The following TC2N variants were observed in gnomAD, a reference collection of about 807,000 sequenced individuals.
TC2N encodes tandem C2 domains nuclear protein.
In TC2N, 51 loss-of-function variants were observed where a neutral mutation model predicts 61.9. The ratio of observed to expected loss-of-function variants is 0.82; its 90% CI spans 0.66 to 1.04. TC2N has a LOEUF of 1.04. Among genes scored for constraint, TC2N ranks in the 50% least tolerant of loss-of-function variants. The pLI is 0.00. For synonymous variants in TC2N, 204 were observed against 192.6 expected, an observed-to-expected ratio of 1.06 and a Z score of -0.49; for missense variants, 556 against 566.7, an observed-to-expected ratio of 0.98 and a Z score of 0.19.
intron 1 of TC2N, among the ~76,000 whole-genome samples, chr14:91,858,339 A>G (rs1888526416): frequency 6.6e-6 from 1 of 152,016 alleles, no homozygotes; most frequent in South Asian, 2.1e-4. Context: ...CAGGGTTGAC[A>G]TCGACATCTT....
chr14:91,861,971 T>A (rs1888599573), intron 1 of TC2N, among the ~76,000 whole-genome samples: 1 of 151,476 alleles, frequency 6.6e-6, no homozygotes, highest in Admixed American at 6.6e-5. Context: ...TATGTGTGTG[T>A]GTATATATAT....
Position 91,797,877 on chromosome 14 carries a change from T to C in TC2N, c.763A>G (p.Ser255Gly). 6.2e-7 allele frequency: 1 copy of C among 1,604,370 alleles called. No homozygotes were observed. The highest frequency in any genetic ancestry group is 8.5e-7 in the Non-Finnish European group (1 of 1,173,948). The change falls in exon 8 of 12, where the codon AGT becomes GGT. Residue 255 changes from serine to glycine, a missense_variant. Transcript: ENST00000435962. ...GAAACAGTAGGAGTGTCTCCATAAC[T>C]AGAGGGCCAACTTAAATCTCTGCAC... ...LQCRDLSWPS[S>G]YGDTPTVSIK...
In TC2N at chr14:91,792,116, C is replaced by T. The variant is rs191169938; in HGVS notation, c.1047+251G>A. ...CCTGGGCGACAGAGCGAGACTCCATCTCAAAGAAAAAAAGAAAAAAGAAAT... is the reference window on the plus strand; with the variant it reads ...CCTGGGCGACAGAGCGAGACTCCATTTCAAAGAAAAAAAGAAAAAAGAAAT... On this transcript the variant is annotated intron_variant, in intron 9 of 11. Transcript: ENST00000435962. Among the ~76,000 whole-genome samples, 537 of 148,708 alleles carry T rather than the reference C, an allele frequency of 3.6e-3. 1 individual carries two copies. Among genetic ancestry groups the T allele is most frequent in the Admixed American group, 7.5e-3 (112 of 14,936 alleles).
At chr14:91,831,656 T>C (rs1234820515) in intron 1 of TC2N, among the ~76,000 whole-genome samples, 1 of 152,092 alleles carries the variant, frequency 6.6e-6, no homozygotes, top group African/African-American at 2.4e-5. Context: ...AAAAACTGAT[T>C]AGCCATATGG....
chr14:91,812,370 C>A lies in TC2N; in HGVS notation c.243G>T (p.Lys81Asn). 3 of 1,612,640 alleles carry A rather than the reference C, an allele frequency of 1.9e-6. No homozygotes were observed. Among genetic ancestry groups the A allele is most frequent in the Non-Finnish European group, 2.5e-6 (3 of 1,179,108 alleles). Residue 81 changes from lysine to asparagine, a missense_variant, in exon 3 of 12, where the codon AAG (lysine) becomes AAT (asparagine). Physicochemically the swap from Lys to Asn is moderately conservative, Grantham distance 94 (BLOSUM62 0). Coordinates refer to ENST00000435962, the MANE Select transcript of TC2N (RefSeq NM_001128596.3). ...GTGTCCTGGGTTGAATGTAAGATAACTTAAACTTGGGCACCACAAATGGTA... is the reference window on the plus strand; with the variant it reads ...GTGTCCTGGGTTGAATGTAAGATAAATTAAACTTGGGCACCACAAATGGTA... ...KEVPFVVPKF[K>N]LSYIQPRTQE...
chr14:91,825,366 C>T (rs1191565641), intron 1 of TC2N, among the ~76,000 whole-genome samples: 1 of 151,998 alleles, frequency 6.6e-6, no homozygotes, highest in Non-Finnish European at 1.5e-5. Flanking sequence ...TTTCTATTCT[C>T]AATTTGACTA....
chr14:91,853,655 C>T (rs1595277795), intron 1 of TC2N, among the ~76,000 whole-genome samples: 1 of 1,650 alleles, frequency 6.1e-4, no homozygotes, highest in Non-Finnish European at 3.2e-3. Context: ...AAAGTACACA[C>T]ACACACACAC....
At chr14:91,838,105 G>A (rs1045929461) in intron 1 of TC2N, among the ~76,000 whole-genome samples, 2 of 149,414 alleles carry the variant, frequency 1.3e-5, no homozygotes, top group Admixed American at 6.6e-5. Context: ...ACTCCAAGGC[G>A]TTTTAGACTA....
At chr14:91,861,304 T>TAAC (rs776553694) in intron 1 of TC2N, among the ~76,000 whole-genome samples, 2 of 152,202 alleles carry the variant, frequency 1.3e-5, no homozygotes, top group African/African-American at 4.8e-5. Flanking sequence ...AGAGGGCAAG[T>TAAC]AACAACAACA....
intron 1 of TC2N, among the ~76,000 whole-genome samples, chr14:91,862,215 A>T (rs1053514321): frequency 1.3e-5 from 2 of 150,194 alleles, no homozygotes; most frequent in African/African-American, 4.9e-5. Context: ...TGGCGGGCAC[A>T]TGTGGTCCCA....
chr14:91,861,291 G>A (rs966233813), intron 1 of TC2N, among the ~76,000 whole-genome samples: 2 of 152,220 alleles, frequency 1.3e-5, no homozygotes, highest in Admixed American at 1.3e-4. Context: ...AGCCGGAACA[G>A]GAAGAGGGCA....
Position 91,799,047 on chromosome 14 carries a change from G to T in TC2N, c.579C>A (p.Ser193=). 1 of 1,580,926 alleles carries T rather than the reference G, an allele frequency of 6.3e-7. No homozygotes were observed. The highest frequency in any genetic ancestry group is 8.6e-7 in the Non-Finnish European group (1 of 1,168,216). ...TTGAAGAAGAACTACTGGGTACACT[G>T]GACAATGAATCATGTCTCTATAAAT... ...QRFIQRHDSL[S]SVPSSSSSRK... The change falls in exon 6 of 12, where the codon TCC becomes TCA. Residue 193 remains serine, a synonymous_variant. Coordinates refer to ENST00000435962, the MANE Select transcript of TC2N (RefSeq NM_001128596.3).
intron 1 of TC2N, among the ~76,000 whole-genome samples, chr14:91,844,043 C>T: frequency 8.1e-6 from 1 of 123,052 alleles, no homozygotes; most frequent in East Asian, 2.5e-4. Flanking sequence ...ACATTTTTAC[C>T]AGAAGAAAGG....
At chr14:91,863,656 G>A (rs1888637849) in intron 1 of TC2N, among the ~76,000 whole-genome samples, 1 of 151,958 alleles carries the variant, frequency 6.6e-6, no homozygotes, top group African/African-American at 2.4e-5. Context: ...GCCTGTGGGT[G>A]TGACTTCCTC....
At position 91,812,361 on chromosome 14, in the gene TC2N, G is replaced by A. The variant is rs185985333; in HGVS notation, c.252C>T (p.Tyr84=). 6.2e-7 allele frequency: 1 copy of A among 1,612,582 alleles called. No individual in the cohort carries two copies. Among genetic ancestry groups the A allele is most frequent in the Admixed American group, 1.7e-5 (1 of 59,912 alleles). The change falls in exon 3 of 12, where the codon TAC becomes TAT. Residue 84 remains tyrosine (Y), a synonymous_variant. Transcript: ENST00000435962. The part of the protein sequence containing the change: ...PFVVPKFKLS[Y]IQPRTQETPS... ...GAGTTTCTTGTGTCCTGGGTTGAAT[G>A]TAAGATAACTTAAACTTGGGCACCA...
chr14:91,832,410 G>A (rs1221763310), intron 1 of TC2N, among the ~76,000 whole-genome samples: 1 of 146,250 alleles, frequency 6.8e-6, no homozygotes, highest in Non-Finnish European at 1.5e-5. Flanking sequence ...AAAAATCTAT[G>A]TTTTAAAGTA....
rs879836561 is a variant in TC2N at position 91,820,545 on chromosome 14, GA to G, written c.-56-6721del. On this transcript the variant is annotated intron_variant, in intron 1 of 11. Transcript: ENST00000435962. ...ATTGAAAGTCTCCCTCTAAAGCCAG[GA>G]AAAAAAAAAAAGATTTCTACTCTCT... 2.2e-3 allele frequency among the ~76,000 whole-genome samples: 309 copies of G among 140,554 alleles called. 1 individual carries two copies. The highest frequency in any genetic ancestry group is 4.9e-3 in the African/African-American group (190 of 38,528). 92.2% of individuals were successfully genotyped at this position (140,554 alleles called of 152,430 possible).
chr14:91,856,298 G>A (rs1888481472), intron 1 of TC2N, among the ~76,000 whole-genome samples: 1 of 152,128 alleles, frequency 6.6e-6, no homozygotes, highest in Admixed American at 6.6e-5. Context: ...AGACCAGCTT[G>A]GCCAACATGG....
Position 91,791,218 on chromosome 14 carries a change from G to GAGGGA in TC2N, c.1047+1144_1047+1148dup, listed in dbSNP as rs1238453639. Among the ~76,000 whole-genome samples the GAGGGA allele has an allele frequency of 3.5e-5, 4 of 115,368 alleles. No individual in the cohort carries two copies. In the East Asian group the frequency reaches 1.3e-3, roughly 38 times the overall value. 75.7% of individuals were successfully genotyped at this position (115,368 alleles called of 152,430 possible). A position where few individuals can be genotyped will look rare whatever the true frequency, so the allele number is the denominator to read the frequency against. Reference sequence around the variant, plus strand: ...GAGGGGAGGGGAGAAGAGGGGAGGGGAGGGAAGGGAAGGGAAGGGTAGATA... The same window carrying GAGGGA: ...GAGGGGAGGGGAGAAGAGGGGAGGGGAGGGAAGGGAAGGGAAGGGAAGGGTAGATA... On this transcript the variant is annotated intron_variant, in intron 9 of 11. Transcript: ENST00000435962.
Sources: allele counts gnomAD v4.1 joint callset (sites outside exome capture counted in the v4.1 genomes callset), GRCh38; gene constraint gnomAD v4.1.1; transcripts MANE v1.5; gene names NCBI Gene and HGNC (gene_info 2026-07-23, HGNC 2026-07-21).